LRP12: variants seen among roughly 807,000 people sequenced by gnomAD.
LRP12 encodes low-density lipoprotein receptor-related protein 12.
Under a neutral mutation model 66.0 loss-of-function variants are expected in LRP12, and 14 were observed. That is an observed-to-expected ratio of 0.21 (90% CI 0.14 to 0.33). The LOEUF is 0.33. LRP12 is among the 10% of genes least tolerant of loss of function. LRP12 has a pLI of 1.00. For synonymous variants in LRP12, 357 were observed against 359.1 expected (o/e 0.99, Z 0.07); for missense variants, 889 against 1,053.4 (o/e 0.84, Z 2.16).
chr8:104,584,090 T>C (rs1366494967), intron 1 of LRP12, among the ~76,000 whole-genome samples: 1 of 151,826 alleles, frequency 6.6e-6, no homozygotes, highest in African/African-American at 2.4e-5. Context: ...TTTTAGAAAA[T>C]GGGAATAAAT....
chr8:104,520,280 C>T (rs1425615987), intron 2 of LRP12, among the ~76,000 whole-genome samples: 1 of 151,518 alleles, frequency 6.6e-6, no homozygotes, highest in Non-Finnish European at 1.5e-5. Flanking sequence ...TTTTTTCCTG[C>T]AAGGGTATAA....
intron 2 of LRP12, among the ~76,000 whole-genome samples, chr8:104,513,239 G>C (rs546859113): frequency 6.6e-6 from 1 of 152,318 alleles, no homozygotes; most frequent in South Asian, 2.1e-4. Context: ...TATACTGGCA[G>C]ATTTGGTATC....
intron 1 of LRP12, among the ~76,000 whole-genome samples, chr8:104,555,988 G>A (rs1158956696): frequency 6.6e-6 from 1 of 152,062 alleles, no homozygotes; most frequent in Non-Finnish European, 1.5e-5. Flanking sequence ...AATAAAATTG[G>A]AAATCAACTC....
chr8:104,497,308 T>G lies in LRP12; in HGVS notation c.1244A>C (p.Lys415Thr). The change falls in exon 5 of 7, where the codon AAG becomes ACG. Residue 415 changes from lysine to threonine, a missense_variant. Coordinates refer to ENST00000276654, the MANE Select transcript of LRP12 (RefSeq NM_013437.5). This position sits in a 1 kb window ranked among gnomAD's most constrained non-coding sequence, Gnocchi z 4.3. ...ATTTCGGGAACATGGAAATTCTTCC[T>G]TCTGGCACATGGTACAATTGGTTTC... ...RDETNCTMCQKEEFPCSRNGV... is the reference protein window; with the variant it reads ...RDETNCTMCQTEEFPCSRNGV... 1 of 1,614,198 alleles carries G rather than the reference T, an allele frequency of 6.2e-7. No homozygotes were observed. The highest frequency in any genetic ancestry group is 1.1e-5 in the South Asian group (1 of 91,086).
chr8:104,584,954 A>G (rs902648250), intron 1 of LRP12, among the ~76,000 whole-genome samples: 25 of 152,366 alleles, frequency 1.6e-4, no homozygotes, highest in Admixed American at 4.6e-4. Context: ...TTCATGGGAA[A>G]AGATTCATCC....
At chr8:104,562,692 A>T (rs1295951480) in intron 1 of LRP12, among the ~76,000 whole-genome samples, 1 of 152,128 alleles carries the variant, frequency 6.6e-6, no homozygotes, top group Non-Finnish European at 1.5e-5. Flanking sequence ...TTTATTAGCC[A>T]TCCAATTACT....
At position 104,571,862 on chromosome 8, in the gene LRP12, C is replaced by T. The variant is rs183914487; in HGVS notation, c.79+16957G>A. The stretch of plus-strand genomic sequence containing the variant: ...TCATTCCAACACCATCCTCCCTTCC[C>T]ACCAGGTCTGCAGAAAAATTGTCTT... On this transcript the variant is annotated intron_variant, in intron 1 of 6. Transcript: ENST00000276654. 1.3e-3 allele frequency among the ~76,000 whole-genome samples: 193 copies of T among 152,320 alleles called. 1 individual carries two copies. The highest frequency in any genetic ancestry group is 3.4e-3 in the Middle Eastern group (1 of 294).
chr8:104,556,576 A>G (rs980614993), intron 1 of LRP12, among the ~76,000 whole-genome samples: 1 of 151,956 alleles, frequency 6.6e-6, no homozygotes, highest in African/African-American at 2.4e-5. Flanking sequence ...AGGAGGAAAC[A>G]GAAACTCTGA....
intron 1 of LRP12, among the ~76,000 whole-genome samples, chr8:104,547,417 T>C (rs1278034171): frequency 1.5e-5 from 2 of 136,638 alleles, no homozygotes; most frequent in African/African-American, 5.3e-5. Flanking sequence ...TTATATTTTG[T>C]ATATAATATA....
Position 104,500,445 on chromosome 8 carries a change from C to T in LRP12, c.273-926G>A, listed in dbSNP as rs150983309. 4.9e-3 allele frequency among the ~76,000 whole-genome samples: 746 copies of T among 152,158 alleles called. 8 individuals are homozygous for T. The highest frequency in any genetic ancestry group is 0.017 in the African/African-American group (707 of 41,508). ...ACTCCTGGCCGGGCATGGTGGCTCACGCCTGTAATCCCAGCACTTTGGGAC... is the reference window on the plus strand; with the variant it reads ...ACTCCTGGCCGGGCATGGTGGCTCATGCCTGTAATCCCAGCACTTTGGGAC... On this transcript the variant is annotated intron_variant, in intron 3 of 6. Coordinates refer to ENST00000276654, the MANE Select transcript of LRP12 (RefSeq NM_013437.5).
chr8:104,529,838 A>C (rs1414569086), intron 2 of LRP12, among the ~76,000 whole-genome samples: 1 of 152,214 alleles, frequency 6.6e-6, no homozygotes, highest in Non-Finnish European at 1.5e-5. Flanking sequence ...CCTCGTGTTG[A>C]GTTTTGGTGT....
chr8:104,516,968 A>C (rs1811079206), intron 2 of LRP12, among the ~76,000 whole-genome samples: 1 of 152,002 alleles, frequency 6.6e-6, no homozygotes, highest in Admixed American at 6.6e-5. Flanking sequence ...AGTAGTTGAG[A>C]CTAAAAGTTA....
At position 104,589,048 on chromosome 8, in the gene LRP12, G is replaced by T; in HGVS notation, c.-151C>A. 2.6e-6 allele frequency: 1 copy of T among 386,498 alleles called. No individual in the cohort carries two copies. 23.9% of individuals were successfully genotyped at this position (386,498 alleles called of 1,614,324 possible). ...CTCCGCGGCTGCGGGAGGGGGAAGGGAGGGGCCGCCGCCGCCCGCGCGCGC... is the reference window on the plus strand; with the variant it reads ...CTCCGCGGCTGCGGGAGGGGGAAGGTAGGGGCCGCCGCCGCCCGCGCGCGC... On this transcript the variant is annotated 5_prime_UTR_variant, in exon 1 of 7. Transcript: ENST00000276654.
At chr8:104,547,769 A>T (rs1811616882) in intron 1 of LRP12, among the ~76,000 whole-genome samples, 2 of 121,610 alleles carry the variant, frequency 1.6e-5, no homozygotes, top group South Asian at 4.9e-4. Flanking sequence ...ATAATTCTAT[A>T]TTATATTTTG....
intron 2 of LRP12, among the ~76,000 whole-genome samples, chr8:104,520,436 A>G (rs1293968624): frequency 6.6e-6 from 1 of 152,056 alleles, no homozygotes; most frequent in African/African-American, 2.4e-5. Flanking sequence ...ATAAAAAGGT[A>G]AGGCAGAAAT....
chr8:104,499,254 G>T, intron 4 of LRP12, 63 bp downstream of exon 4: 1 of 1,278,220 alleles, frequency 7.8e-7, no homozygotes, highest in Admixed American at 1.9e-5. Context: ...GATTAGCTCC[G>T]AAGTGACAGA....
chr8:104,564,993 C>T (rs1409521484), intron 1 of LRP12, among the ~76,000 whole-genome samples: 1 of 150,792 alleles, frequency 6.6e-6, no homozygotes, highest in African/African-American at 2.4e-5. Context: ...GAAGACTAAA[C>T]TGAAGAATCT....
rs147518239 is a variant in LRP12 at position 104,492,268 on chromosome 8, C to A, written c.1714-729G>T. On this transcript the variant is annotated intron_variant, in intron 6 of 6. Coordinates refer to ENST00000276654, the MANE Select transcript of LRP12 (RefSeq NM_013437.5). ...TAGTATTAAGTATAAATATATCATT[C>A]TTTGAAAACTAGTTAGCTGTAATTA... 2.0e-4 allele frequency among the ~76,000 whole-genome samples: 31 copies of A among 152,162 alleles called. 1 individual carries two copies. In the East Asian group the frequency reaches 6.0e-3, roughly 29 times the overall value.
At chr8:104,551,470 G>A (rs1000827629) in intron 1 of LRP12, among the ~76,000 whole-genome samples, 5 of 152,140 alleles carry the variant, frequency 3.3e-5, no homozygotes, top group African/African-American at 1.2e-4. Flanking sequence ...CTATCACCCA[G>A]ATAGTGAGCA....
Sources: allele counts gnomAD v4.1 joint callset (sites outside exome capture counted in the v4.1 genomes callset), GRCh38; gene constraint gnomAD v4.1.1; non-coding constraint Gnocchi (gnomAD v3.1); transcripts MANE v1.5; gene names NCBI Gene and HGNC (gene_info 2026-07-23, HGNC 2026-07-21).